Variants in MCM7 observed in about 807,000 individuals in gnomAD.
MCM7 encodes minichromosome maintenance complex component 7.
A neutral mutation model predicts 83.5 loss-of-function variants in MCM7; 95 were observed. The ratio of observed to expected loss-of-function variants is 1.14; its 90% confidence interval spans 0.96 to 1.35. The LOEUF (loss-of-function observed/expected upper bound fraction) is 1.35, where lower values mean the gene tolerates loss of function less well. Ranked by LOEUF, MCM7 falls within the 40% of genes most tolerant of loss-of-function variation. The pLI is 0.00. For missense variants in MCM7, 1,087 were observed against 957.4 expected (o/e 1.14, Z -1.79); for synonymous variants, 461 against 352.7 (o/e 1.31, Z -3.44).
In MCM7 at chr7:100,099,640, CTTCGCG is replaced by C. The variant is rs1444711766; in HGVS notation, c.219_224del (p.Tyr73_Lys75delinsTer). Reference sequence around the variant, plus strand: ...GCTCTTGTACGGCATCAGCAAAGAGCTTCGCGTAGCGCCTGGCATTCTCACAAATTG... The same window carrying C: ...GCTCTTGTACGGCATCAGCAAAGAGCTAGCGCCTGGCATTCTCACAAATTG... On this transcript the variant is annotated stop_gained and inframe_deletion, in exon 3 of 15. Coordinates refer to ENST00000303887, the MANE Select transcript of MCM7 (RefSeq NM_005916.5). LOFTEE classifies it high-confidence loss of function. 5 of 1,614,060 alleles carry C rather than the reference CTTCGCG, an allele frequency of 3.1e-6. No homozygotes were observed. The African/African-American group carries it at 6.7e-5, about 22-fold the overall frequency.
In MCM7 at chr7:100,096,049, A is replaced by G. The variant is rs530564809; in HGVS notation, c.1320T>C (p.Gly440=). Residue 440 remains glycine, a synonymous_variant, in exon 11 of 15, where the codon GGT becomes GGC. Coordinates refer to ENST00000303887, the MANE Select transcript of MCM7 (RefSeq NM_005916.5). The part of the protein sequence containing the change: ...EGGALVLADQ[G]VCCIDEFDKM... ...TGTCGAACTCATCAATGCAGCACAC[A>G]CCCTGGTCAGCCAGCACCAGGGCCC... The G allele has an allele frequency of 1.5e-5, 24 of 1,613,176 alleles. 1 individual carries two copies. In the South Asian group the frequency reaches 2.5e-4, roughly 17 times the overall value.
rs1484537357 is a variant in MCM7, at chr7:100,096,000, C to T, written c.1369G>A (p.Ala457Thr). ...TGCTGCTCCATGACCTCGTGGATGGCTGTGCGGTCGGCCTCAGCCATCTTG... is the reference window on the plus strand; with the variant it reads ...TGCTGCTCCATGACCTCGTGGATGGTTGTGCGGTCGGCCTCAGCCATCTTG... ...FDKMAEADRT[A>T]IHEVMEQQTI... The change falls in exon 11 of 15, where the codon GCC becomes ACC. Residue 457 changes from alanine to threonine, a missense_variant. Physicochemically the swap from Ala to Thr is moderately conservative, Grantham distance 58. Coordinates refer to ENST00000303887, the MANE Select transcript of MCM7 (RefSeq NM_005916.5). 1.2e-6 allele frequency: 2 copies of T among 1,614,086 alleles called. No individual in the cohort carries two copies. Among genetic ancestry groups the T allele is most frequent in the East Asian group, 2.2e-5 (1 of 44,860 alleles).
At chr7:100,100,987 G>A (rs964192147) in intron 1 of MCM7, 10 of 891,298 alleles carry the variant, frequency 1.1e-5, no homozygotes, top group South Asian at 1.9e-5. Context: ...TTTTCCCTGT[G>A]CAGCCCCCAG....
chr7:100,099,759 G>T lies in MCM7; in HGVS notation c.112-6C>A, dbSNP rs1393325272. The T allele has an allele frequency of 6.2e-7, 1 of 1,613,638 alleles. No homozygotes were observed. The highest frequency in any genetic ancestry group is 1.7e-5 in the Admixed American group (1 of 59,964). The stretch of plus-strand genomic sequence containing the variant: ...TCCCGATGAGCCAGCCGAACCTCAA[G>T]TGGGGAAGAGACAGAAACACCTCAG... On this transcript the variant is annotated splice_polypyrimidine_tract_variant and splice_region_variant and intron_variant, in intron 2 of 14. Transcript: ENST00000303887.
chr7:100,092,764 G>A lies in MCM7; in HGVS notation c.*168C>T, dbSNP rs1795380900. 4.3e-6 allele frequency: 3 copies of A among 699,244 alleles called. No individual in the cohort carries two copies. The highest frequency in any genetic ancestry group is 1.8e-5 in the African/African-American group (1 of 55,556). 43.3% of individuals were successfully genotyped at this position (699,244 alleles called of 1,614,324 possible). A position where few individuals can be genotyped will look rare whatever the true frequency, so the allele number is the denominator to read the frequency against. ...CAAAACCCTGTTTTAATGGAAGTCA[G>A]GCCCAGGCTAGAAGATGACAATCTA... On this transcript the variant is annotated 3_prime_UTR_variant, in exon 15 of 15. Coordinates refer to ENST00000303887, the MANE Select transcript of MCM7 (RefSeq NM_005916.5).
intron 13 of MCM7, chr7:100,093,918 C>G (rs1367557852): frequency 1.4e-6 from 1 of 695,646 alleles, no homozygotes; most frequent in Non-Finnish European, 2.7e-6. Flanking sequence ...TGGAGTGAAA[C>G]AGACCCCAAC....
chr7:100,099,723 G>A lies in MCM7; in HGVS notation c.142C>T (p.Leu48=). 1 of 1,614,134 alleles carries A rather than the reference G, an allele frequency of 6.2e-7. No homozygotes were observed. Among genetic ancestry groups the A allele is most frequent in the Non-Finnish European group, 8.5e-7 (1 of 1,180,044 alleles). ...GCTACGTCGTCCAGGTCCACATACA[G>A]AGCCACCTGTTCCCGATGAGCCAGC... ...VRLAHREQVA[L]YVDLDDVAED... The change falls in exon 3 of 15, where the codon CTG becomes TTG. Residue 48 remains leucine (L), a synonymous_variant. Transcript: ENST00000303887.
At position 100,097,942 on chromosome 7, in the gene MCM7, G is replaced by A. The variant is rs753702178; in HGVS notation, c.877C>T (p.Leu293Phe). 6.8e-6 allele frequency: 11 copies of A among 1,614,076 alleles called. No individual in the cohort carries two copies. Among genetic ancestry groups the A allele is most frequent in the Admixed American group, 5.0e-5 (3 of 60,012 alleles). ...TGFRQVVQGLLSETYLEAHRI... is the reference protein window; with the variant it reads ...TGFRQVVQGLFSETYLEAHRI... Reference sequence around the variant, plus strand: ...TGGGCTTCCAGGTAGGTTTCTGAGAGTAAACCCTTGGGCAGGAAAATGCCA... The same window carrying A: ...TGGGCTTCCAGGTAGGTTTCTGAGAATAAACCCTTGGGCAGGAAAATGCCA... The change falls in exon 8 of 15, where the codon CTC becomes TTC. Residue 293 changes from leucine (L) to phenylalanine (F), a missense_variant. Coordinates refer to ENST00000303887, the MANE Select transcript of MCM7 (RefSeq NM_005916.5).
chr7:100,100,904 G>T, intron 1 of MCM7: 1 of 1,054,520 alleles, frequency 9.5e-7, no homozygotes, highest in Non-Finnish European at 1.2e-6. Context: ...ACCTGGGAAT[G>T]CCCAAAAGCG....
chr7:100,098,117 T>G (rs1342838586), intron 7 of MCM7, 24 bp downstream of exon 7: 1 of 1,612,754 alleles, frequency 6.2e-7, no homozygotes, highest in Admixed American at 1.7e-5. Flanking sequence ...GATGATCCAT[T>G]CCTCATGTCA....
rs751324812 is a variant in MCM7, at chr7:100,093,314, C to T, written c.1936G>A (p.Gly646Arg). Residue 646 changes from glycine (G) to arginine (R), a missense_variant, in exon 14 of 15, where the codon GGA (glycine) becomes AGA (arginine). Gly to Arg is a moderately radical substitution (Grantham distance 125). Transcript: ENST00000303887. ...LMEMSKDSLL[G>R]DKGQTARTQR... ...CACCTAGCTGTCTGCCCCTTGTCTC[C>T]TAGAAGAGAGTCCTTTGACATCTCC... 8 of 1,613,966 alleles carry T rather than the reference C, an allele frequency of 5.0e-6. No homozygotes were observed. In the South Asian group the frequency reaches 8.8e-5, roughly 18 times the overall value.
At chr7:100,093,877 G>A in intron 13 of MCM7, 1 of 661,958 alleles carries the variant, frequency 1.5e-6, no homozygotes, top group Non-Finnish European at 2.9e-6. Flanking sequence ...AGGACAGAAA[G>A]GAAGGTCTGT....
At chr7:100,094,114 T>G (rs2307353) in intron 13 of MCM7, 59 bp downstream of exon 13, 1 of 1,608,212 alleles carries the variant, frequency 6.2e-7, no homozygotes, top group South Asian at 1.1e-5. Context: ...GAGAGCACGG[T>G]AAGGAGCTAC....
At position 100,095,409 on chromosome 7, in the gene MCM7, G is replaced by C. The variant is rs1373186677; in HGVS notation, c.1657C>G (p.Pro553Ala). The change falls in exon 12 of 15, where the codon CCT becomes GCT. Residue 553 changes from proline to alanine, a missense_variant. Transcript: ENST00000303887. ...TACCTCATGAGCTTCATGTCCAGAG[G>C]TTCAAACTGGGAGGGGGGCTGCCGG... ...HSRQPPSQFE[P>A]LDMKLMRRYI... 3.1e-6 allele frequency: 5 copies of C among 1,613,774 alleles called. No homozygotes were observed. The highest frequency in any genetic ancestry group is 3.4e-6 in the Non-Finnish European group (4 of 1,179,930).
At position 100,095,966 on chromosome 7, in the gene MCM7, G is replaced by C; in HGVS notation, c.1403C>G (p.Ser468Cys). The stretch of plus-strand genomic sequence containing the variant: ...GGTGAGAATGCCGGCCTTGGCAATG[G>C]AGATGGTCTGCTGCTCCATGACCTC... ...IHEVMEQQTI[S>C]IAKAGILTTL... The change falls in exon 11 of 15, where the codon TCC becomes TGC. Residue 468 changes from serine to cysteine, a missense_variant. Coordinates refer to ENST00000303887, the MANE Select transcript of MCM7 (RefSeq NM_005916.5). 2 of 1,614,066 alleles carry C rather than the reference G, an allele frequency of 1.2e-6. No individual in the cohort carries two copies. Among genetic ancestry groups the C allele is most frequent in the Middle Eastern group, 1.6e-4 (1 of 6,062 alleles).
chr7:100,093,493 A>AGCC, intron 13 of MCM7, 92 bp from the exon 14 acceptor site: 1 of 1,170,778 alleles, frequency 8.5e-7, no homozygotes, highest in Non-Finnish European at 1.3e-6. Flanking sequence ...AAGGCTGGGC[A>AGCC]GCCCATGGGT....
rs1057354876 is a variant in MCM7, at chr7:100,099,814, A to G, written c.112-61T>C. 1.4e-5 allele frequency: 22 copies of G among 1,590,950 alleles called. No individual in the cohort carries two copies. In the Admixed American group the frequency reaches 2.4e-4, roughly 17 times the overall value. ...ACATTCACTTTGCTCACCAGTGTTC[A>G]TATGTGAAAATGCATCACTGAGAAC... On this transcript the variant is annotated intron_variant, in intron 2 of 14. Coordinates refer to ENST00000303887, the MANE Select transcript of MCM7 (RefSeq NM_005916.5).
intron 13 of MCM7, chr7:100,093,618 C>G: frequency 2.6e-6 from 2 of 760,718 alleles, no homozygotes; most frequent in Non-Finnish European, 4.9e-6. Context: ...AGCAATTGCC[C>G]AAGTCTCCGC....
At position 100,099,537 on chromosome 7, in the gene MCM7, C is replaced by G. The variant is rs776836541; in HGVS notation, c.276+52G>C. On this transcript the variant is annotated intron_variant, in intron 3 of 14. Transcript: ENST00000303887. Reference sequence around the variant, plus strand: ...CATCAGTATCTGAGCAGCCTCTCTACAGAAGCTTAAACGCCTCGCCCTTTG... The same window carrying G: ...CATCAGTATCTGAGCAGCCTCTCTAGAGAAGCTTAAACGCCTCGCCCTTTG... The G allele has an allele frequency of 8.7e-6, 14 of 1,603,108 alleles. No individual in the cohort carries two copies. The South Asian group carries it at 1.3e-4, about 15-fold the overall frequency.
Sources: allele counts gnomAD v4.1 joint callset, GRCh38; gene constraint gnomAD v4.1.1; transcripts MANE v1.5; gene names NCBI Gene and HGNC (gene_info 2026-07-23, HGNC 2026-07-21).